The following SLCO4C1 variants were observed in gnomAD, a reference collection of about 807,000 sequenced individuals.
The protein encoded by SLCO4C1 is organic anion transporter M1.
A neutral mutation model predicts 72.1 loss-of-function variants in SLCO4C1; 58 were observed. The ratio of observed to expected loss-of-function variants is 0.80; its 90% CI spans 0.65 to 1.00. SLCO4C1 has a LOEUF of 1.00. Ranked by LOEUF, SLCO4C1 falls within the 50% of genes least tolerant of loss-of-function variation. The pLI is 0.00. For synonymous variants in SLCO4C1, 297 were observed against 312.5 expected (o/e 0.95, Z 0.52); for missense variants, 898 against 857.9 (o/e 1.05, Z -0.58).
At chr5:102,277,266 C>A (rs1466532932) in intron 2 of SLCO4C1, among the ~76,000 whole-genome samples, 1 of 151,830 alleles carries the variant, frequency 6.6e-6, no homozygotes, top group African/African-American at 2.4e-5. Flanking sequence ...TATGGTGTAA[C>A]AAGGTGCCCC....
intron 5 of SLCO4C1, 119 bp downstream of exon 5, chr5:102,261,793 A>G: frequency 3.0e-6 from 3 of 1,006,564 alleles, no homozygotes; most frequent in Non-Finnish European, 4.1e-6. Flanking sequence ...ACATAGGCAG[A>G]CAGTTGAGAT....
At chr5:102,238,690 T>C (rs1026682149) in intron 12 of SLCO4C1, among the ~76,000 whole-genome samples, 1 of 152,188 alleles carries the variant, frequency 6.6e-6, no homozygotes, top group Admixed American at 6.5e-5. Flanking sequence ...TTTATTTTAC[T>C]AGTGTAAACT....
chr5:102,279,170 C>T (rs1749308104), intron 2 of SLCO4C1, among the ~76,000 whole-genome samples: 1 of 151,776 alleles, frequency 6.6e-6, no homozygotes, highest in African/African-American at 2.4e-5. Flanking sequence ...ACAGATCCAG[C>T]AGACAAAGAA....
At chr5:102,262,216 A>G (rs1204231744) in intron 4 of SLCO4C1, among the ~76,000 whole-genome samples, 183 bp from the exon 5 acceptor site, 1 of 152,248 alleles carries the variant, frequency 6.6e-6, no homozygotes, top group Non-Finnish European at 1.5e-5. Flanking sequence ...GAGAGTTATA[A>G]GAATAATGGT....
chr5:102,241,675 G>T (rs929006996), intron 10 of SLCO4C1, among the ~76,000 whole-genome samples: 1 of 152,068 alleles, frequency 6.6e-6, no homozygotes, highest in African/African-American at 2.4e-5. Context: ...CCTACATCAA[G>T]TGATCTACAG....
chr5:102,237,339 A>G (rs1333268807), intron 12 of SLCO4C1, among the ~76,000 whole-genome samples: 1 of 152,152 alleles, frequency 6.6e-6, no homozygotes, highest in Non-Finnish European at 1.5e-5. Flanking sequence ...TTGTTAACAC[A>G]AGCCCATAAT....
intron 2 of SLCO4C1, among the ~76,000 whole-genome samples, chr5:102,287,567 T>C (rs183102972): frequency 7.4e-6 from 1 of 135,788 alleles, no homozygotes; most frequent in Non-Finnish European, 1.5e-5. Context: ...TGAGATGGAG[T>C]CTCTGCTCTG....
At chr5:102,256,804 T>C (rs1748843748) in intron 8 of SLCO4C1, among the ~76,000 whole-genome samples, 2 of 152,186 alleles carry the variant, frequency 1.3e-5, no homozygotes, top group Non-Finnish European at 2.9e-5. Flanking sequence ...AAGCATATAA[T>C]GTGAAATTCT....
chr5:102,240,726 C>T lies in SLCO4C1; in HGVS notation c.1868G>A (p.Arg623Gln), dbSNP rs780417654. 4.3e-6 allele frequency: 7 copies of T among 1,610,116 alleles called. No homozygotes were observed. Among genetic ancestry groups the T allele is most frequent in the East Asian group, 2.2e-5 (1 of 44,658 alleles). ...AAAGAAAAATGGCATACCTAATAAT[C>T]GAAGGACCATAAATTGTATTCCCAA... is the stretch of plus-strand genomic sequence containing the variant. ...LALGIQFMVLRLLGTIPGPII... is the reference protein window; with the variant it reads ...LALGIQFMVLQLLGTIPGPII... The change falls in exon 11 of 13, where the codon CGA becomes CAA. Residue 623 changes from arginine to glutamine, a missense_variant. Arg to Gln is a conservative substitution (Grantham distance 43). Transcript: ENST00000310954.
intron 8 of SLCO4C1, among the ~76,000 whole-genome samples, chr5:102,253,108 GA>G (rs1748772037): frequency 6.6e-6 from 1 of 151,866 alleles, no homozygotes; most frequent in Non-Finnish European, 1.5e-5. Context: ...ATCAGATACA[GA>G]AAAAAATACT....
chr5:102,239,844 T>C (rs1402140516), intron 11 of SLCO4C1, among the ~76,000 whole-genome samples: 1 of 152,110 alleles, frequency 6.6e-6, no homozygotes, highest in Admixed American at 6.6e-5. Context: ...TTAGTGTATG[T>C]ATATACAAAT....
chr5:102,291,202 C>T, intron 2 of SLCO4C1, 141 bp downstream of exon 2: 1 of 855,070 alleles, frequency 1.2e-6, no homozygotes, highest in Non-Finnish European at 1.8e-6. Flanking sequence ...TCATACAGTT[C>T]ACACAATGAA....
At chr5:102,281,979 A>C (rs1003950055) in intron 2 of SLCO4C1, among the ~76,000 whole-genome samples, 3 of 152,162 alleles carry the variant, frequency 2.0e-5, no homozygotes, top group African/African-American at 7.2e-5. Flanking sequence ...TATTTGTAAT[A>C]ACCAAAATCT....
intron 12 of SLCO4C1, among the ~76,000 whole-genome samples, chr5:102,238,905 T>C (rs993032751): frequency 1.3e-5 from 2 of 152,186 alleles, no homozygotes; most frequent in African/African-American, 4.8e-5. Flanking sequence ...GATACCTAGA[T>C]GACAATCATT....
chr5:102,294,593 C>T (rs1335725133), intron 1 of SLCO4C1, among the ~76,000 whole-genome samples: 1 of 152,090 alleles, frequency 6.6e-6, no homozygotes, highest in Non-Finnish European at 1.5e-5. Context: ...CTTCGCATTC[C>T]TTTGACACTG....
At chr5:102,281,632 A>G (rs1749357857) in intron 2 of SLCO4C1, among the ~76,000 whole-genome samples, 1 of 152,164 alleles carries the variant, frequency 6.6e-6, no homozygotes. Context: ...AAGACATTTC[A>G]CCAAAGATGA....
Position 102,263,796 on chromosome 5 carries a change from A to G in SLCO4C1, c.803-16T>C. 1.3e-6 allele frequency: 2 copies of G among 1,592,154 alleles called. No individual in the cohort carries two copies. The highest frequency in any genetic ancestry group is 2.2e-5 in the South Asian group (2 of 90,084). On this transcript the variant is annotated splice_polypyrimidine_tract_variant and intron_variant, in intron 3 of 12. Transcript: ENST00000310954. ...TAACCGGTTCCTAGAAGAAGAACAG[A>G]GACATTGAATACAGTCATATGTACA...
rs1748866612 is a variant in SLCO4C1, at chr5:102,257,835, G to A, written c.1273+108C>T. On this transcript the variant is annotated intron_variant, in intron 7 of 12. Transcript: ENST00000310954. ...GGGTTTCACCATGTTGGCCGGGCTG[G>A]TTTTAGTTTAAATTTCAAGGAGGGC... 7 of 1,049,094 alleles carry A rather than the reference G, an allele frequency of 6.7e-6. No individual in the cohort carries two copies. The South Asian group carries it at 1.1e-4, about 16-fold the overall frequency. 65.0% of individuals were successfully genotyped at this position (1,049,094 alleles called of 1,614,324 possible).
chr5:102,264,786 C>G lies in SLCO4C1; in HGVS notation c.803-1006G>C, dbSNP rs545303121. 2.3e-4 allele frequency among the ~76,000 whole-genome samples: 35 copies of G among 152,086 alleles called. 1 individual carries two copies. Among genetic ancestry groups the G allele is most frequent in the African/African-American group, 8.2e-4 (34 of 41,526 alleles). On this transcript the variant is annotated intron_variant, in intron 3 of 12. Transcript: ENST00000310954. ...TCTCCATATCCTCCCCTTCCCATATCTTCCCCAGCCTTTAATAACCGTAAT... is the reference window on the plus strand; with the variant it reads ...TCTCCATATCCTCCCCTTCCCATATGTTCCCCAGCCTTTAATAACCGTAAT...
Sources: allele counts gnomAD v4.1 joint callset (sites outside exome capture counted in the v4.1 genomes callset), GRCh38; gene constraint gnomAD v4.1.1; transcripts MANE v1.5; gene names NCBI Gene and HGNC (gene_info 2026-07-23, HGNC 2026-07-21).